Variants in PARL observed in about 807,000 individuals in gnomAD.
PARL encodes the protein presenilin-associated rhomboid-like protein, mitochondrial.
In PARL, 44 loss-of-function variants were observed where a neutral mutation model predicts 51.6. The ratio of observed to expected loss-of-function variants is 0.85; its 90% CI spans 0.67 to 1.10. The LOEUF is 1.10. Ranked by LOEUF, PARL falls within the 50% of genes least tolerant of loss-of-function variation. The pLI is 0.00. For missense variants in PARL, 441 were observed against 469.5 expected, an observed-to-expected ratio of 0.94 and a Z score of 0.56; for synonymous variants, 172 against 164.0, an observed-to-expected ratio of 1.05 and a Z score of -0.37.
At chr3:183,859,478 T>A (rs955861778) in intron 4 of PARL, among the ~76,000 whole-genome samples, 4 of 151,924 alleles carry the variant, frequency 2.6e-5, no homozygotes, top group Admixed American at 2.6e-4. Context: ...GCTGGGATTA[T>A]AGGCATGCAC....
At chr3:183,853,881 A>T (rs1730835561) in intron 4 of PARL, among the ~76,000 whole-genome samples, 1 of 152,196 alleles carries the variant, frequency 6.6e-6, no homozygotes. Context: ...ACAGCGTGAG[A>T]ATTCCTCAAA....
At chr3:183,848,140 C>T (rs1480549679) in intron 4 of PARL, among the ~76,000 whole-genome samples, 1 of 152,268 alleles carries the variant, frequency 6.6e-6, no homozygotes, top group African/African-American at 2.4e-5. Flanking sequence ...CTTTTCAGAA[C>T]TCTGGAAACT....
Position 183,861,816 on chromosome 3 carries a change from C to T in PARL, c.511+937G>A, listed in dbSNP as rs550896825. 2.6e-5 allele frequency among the ~76,000 whole-genome samples: 4 copies of T among 152,228 alleles called. No homozygotes were observed. In the East Asian group the frequency reaches 7.7e-4, roughly 29 times the overall value. ...TTGTTTTTGAGAGTCTCATCTGTCA[C>T]CCAGGTTGGAGTGTAATAGTAGGAC... On this transcript the variant is annotated intron_variant, in intron 4 of 9. Transcript: ENST00000317096.
chr3:183,859,819 G>T (rs891720322), intron 4 of PARL, among the ~76,000 whole-genome samples: 8 of 152,118 alleles, frequency 5.3e-5, no homozygotes, highest in Non-Finnish European at 1.2e-4. Context: ...ACACTTTACT[G>T]TCTGAACTTA....
At chr3:183,829,156 G>T, downstream of PARL, 1 of 212,294 alleles carries the variant, frequency 4.7e-6, no homozygotes, top group East Asian at 1.1e-4. Flanking sequence ...ATTTCAGATT[G>T]TGCTGGAGAG....
At chr3:183,839,632 T>G (rs2108602939) in intron 7 of PARL, among the ~76,000 whole-genome samples, 2 of 152,298 alleles carry the variant, frequency 1.3e-5, no homozygotes, top group Middle Eastern at 6.8e-3. Context: ...TTGACCAGGC[T>G]GGTCTTGAAC....
At chr3:183,867,648 C>T (rs1168827286) in intron 2 of PARL, among the ~76,000 whole-genome samples, 5 of 150,764 alleles carry the variant, frequency 3.3e-5, no homozygotes, top group Admixed American at 6.6e-5. Flanking sequence ...TGCAGTGAGC[C>T]GAGATCGCGC....
chr3:183,861,845 A>G (rs551454080), intron 4 of PARL, among the ~76,000 whole-genome samples: 8 of 152,286 alleles, frequency 5.3e-5, no homozygotes, highest in Admixed American at 1.3e-4. Context: ...GTAGGACCAC[A>G]GCTCACTGCA....
intron 7 of PARL, among the ~76,000 whole-genome samples, chr3:183,838,469 T>G (rs1728915303): frequency 6.6e-6 from 1 of 152,210 alleles, no homozygotes; most frequent in Non-Finnish European, 1.5e-5. Context: ...TTTCCTTGAA[T>G]TTTAATCACA....
rs73887536 is a variant in PARL at position 183,840,278 on chromosome 3, G to A, written c.828+292C>T. Among the ~76,000 whole-genome samples, 464 of 152,224 alleles carry A rather than the reference G, an allele frequency of 3.0e-3. 2 individuals carry two copies. Among genetic ancestry groups the A allele is most frequent in the African/African-American group, 0.011 (445 of 41,526 alleles). ...TACTGGATTAGGCTCTCTGGTTTACGAGGATTGCACACTTACTGTTCTGAG... is the reference window on the plus strand; with the variant it reads ...TACTGGATTAGGCTCTCTGGTTTACAAGGATTGCACACTTACTGTTCTGAG... On this transcript the variant is annotated intron_variant, in intron 7 of 9. Transcript: ENST00000317096.
At chr3:183,857,902 T>C (rs151240214) in intron 4 of PARL, among the ~76,000 whole-genome samples, 91 of 152,220 alleles carry the variant, frequency 6.0e-4, no homozygotes, top group African/African-American at 2.1e-3. Flanking sequence ...TCTAGAAAAG[T>C]GAAAAGGACA....
intron 4 of PARL, chr3:183,856,497 T>C (rs868795116): frequency 6.6e-6 from 1 of 152,276 alleles, no homozygotes; most frequent in Non-Finnish European, 1.5e-5. Flanking sequence ...GTGGCTATCA[T>C]TTCTTTTCCT....
chr3:183,882,345 A>T (rs1023305492), intron 1 of PARL, among the ~76,000 whole-genome samples: 1 of 145,222 alleles, frequency 6.9e-6, no homozygotes, highest in Non-Finnish European at 1.5e-5. Context: ...ATACACACAC[A>T]TATATACATA....
At chr3:183,884,669 G>T (rs778319311) in intron 1 of PARL, 53 bp downstream of exon 1, 18 of 1,553,330 alleles carry the variant, frequency 1.2e-5, no homozygotes, top group East Asian at 2.4e-5. Context: ...GAGGATACAC[G>T]GCCAGAGCTC....
intron 3 of PARL, among the ~76,000 whole-genome samples, chr3:183,865,213 C>T (rs993341334): frequency 7.2e-5 from 11 of 152,008 alleles, no homozygotes; most frequent in Admixed American, 2.0e-4. Flanking sequence ...GAGACTGAGG[C>T]GGGAGGACTG....
At chr3:183,831,307 CAA>C (rs891020210) in intron 9 of PARL, among the ~76,000 whole-genome samples, 1 of 152,208 alleles carries the variant, frequency 6.6e-6, no homozygotes, top group African/African-American at 2.4e-5. Context: ...TTATTTCAAG[CAA>C]AGAGTCAAAT....
intron 1 of PARL, among the ~76,000 whole-genome samples, chr3:183,878,375 T>C (rs150370494): frequency 2.8e-4 from 42 of 152,272 alleles, no homozygotes; most frequent in African/African-American, 1.0e-3. Context: ...CTGCAAGGAA[T>C]AGGGAAGTTG....
chr3:183,829,011 A>G (rs1727621051), downstream of PARL, among the ~76,000 whole-genome samples: 1 of 152,224 alleles, frequency 6.6e-6, no homozygotes, highest in Non-Finnish European at 1.5e-5. Flanking sequence ...ATTTACCCAA[A>G]TCACTTCTTT....
intron 2 of PARL, among the ~76,000 whole-genome samples, chr3:183,867,613 T>C (rs1732663653): frequency 6.6e-6 from 1 of 150,422 alleles, no homozygotes; most frequent in South Asian, 2.1e-4. Flanking sequence ...GGCAGGAGAA[T>C]GGTGTGAACC....
Sources: allele counts gnomAD v4.1 joint callset (sites outside exome capture counted in the v4.1 genomes callset), GRCh38; gene constraint gnomAD v4.1.1; transcripts MANE v1.5; gene names NCBI Gene and HGNC (gene_info 2026-07-23, HGNC 2026-07-21).